Variants in KDR observed in about 807,000 individuals in gnomAD.
The protein encoded by KDR is vascular endothelial growth factor receptor 2.
Under a neutral mutation model 160.9 loss-of-function variants are expected in KDR, and 43 were observed. That is an observed-to-expected ratio of 0.27 (90% CI 0.21 to 0.34). The LOEUF is 0.34. Among genes scored for constraint, KDR ranks in the 10% least tolerant of loss-of-function variants. The pLI is 1.00. For synonymous variants in KDR, 617 were observed against 600.1 expected (o/e 1.03, Z -0.41); for missense variants, 1,469 against 1,666.4 (o/e 0.88, Z 2.06).
At position 55,079,955 on chromosome 4, in the gene KDR, A is replaced by G. The variant is rs1473561441; in HGVS notation, c.4057T>C (p.Ser1353Pro). ...GATGCTTCCTTTTAAACAGGAGGAG[A>G]GCTCAGTGTGGTCCCCGAGTCAGGC... ...LQPDSGTTLS[S>P]PPV The change falls in exon 30 of 30, where the codon TCT becomes CCT. Residue 1353 changes from serine to proline, a missense_variant. Coordinates refer to ENST00000263923, the MANE Select transcript of KDR (RefSeq NM_002253.4). 1.2e-6 allele frequency: 2 copies of G among 1,613,830 alleles called. No individual in the cohort carries two copies. Among genetic ancestry groups the G allele is most frequent in the Non-Finnish European group, 1.7e-6 (2 of 1,179,926 alleles).
intron 27 of KDR, among the ~76,000 whole-genome samples, chr4:55,085,301 C>A (rs1719834610): frequency 6.6e-6 from 1 of 152,176 alleles, no homozygotes. Context: ...TCAGCCTTTT[C>A]TCTAAATAAA....
chr4:55,085,103 G>A (rs919146375), intron 27 of KDR, among the ~76,000 whole-genome samples: 1 of 152,168 alleles, frequency 6.6e-6, no homozygotes, highest in Non-Finnish European at 1.5e-5. Context: ...GATGTGTGAG[G>A]TGAAACTCCC....
intron 27 of KDR, among the ~76,000 whole-genome samples, chr4:55,085,737 T>C (rs1719847081): frequency 6.6e-6 from 1 of 152,234 alleles, no homozygotes; most frequent in Non-Finnish European, 1.5e-5. Context: ...GAAACTGGGC[T>C]GGAAAAACCA....
chr4:55,089,901 G>T (rs1044761522), intron 23 of KDR, 55 bp downstream of exon 23: 2 of 1,608,980 alleles, frequency 1.2e-6, no homozygotes, highest in Non-Finnish European at 1.7e-6. Context: ...AGCTCTCTAC[G>T]AGGAGTTTTA....
Position 55,098,265 on chromosome 4 carries a change from C to T in KDR, c.2381G>A (p.Gly794Glu). 1 of 1,613,812 alleles carries T rather than the reference C, an allele frequency of 6.2e-7. No individual in the cohort carries two copies. The highest frequency in any genetic ancestry group is 8.5e-7 in the Non-Finnish European group (1 of 1,179,834). Reference protein sequence around the residue: ...IILRTVKRANGGELKTGYLSI... With the variant: ...IILRTVKRANEGELKTGYLSI... ...CAAGTAGCCTGTCTTCAGTTCCCCT[C>T]CATTGGCCTGGAAAGCATCAATCCT... Residue 794 changes from glycine (G) to glutamate (E), a missense_variant, in exon 17 of 30, where the codon GGA (glycine) becomes GAA (glutamate). Physicochemically the swap from Gly to Glu is moderately conservative, Grantham distance 98 (BLOSUM62 -2). This residue lies in a region of KDR where 118 missense variants were observed against 110.8 expected (regional missense o/e 1.06). Coordinates refer to ENST00000263923, the MANE Select transcript of KDR (RefSeq NM_002253.4).
rs1578134680 is a variant in KDR at position 55,104,806 on chromosome 4, A to G, written c.1824T>C (p.Thr608=). ...LPTPVCKNLD[T]LWKLNATMFS... The stretch of plus-strand genomic sequence containing the variant: ...ACATGGTGGCATTCAATTTCCAAAG[A>G]GTATCCAAGTTCTTGCAAACAGGTG... Residue 608 remains threonine (T), a synonymous_variant, in exon 13 of 30, where the codon ACT becomes ACC. Coordinates refer to ENST00000263923, the MANE Select transcript of KDR (RefSeq NM_002253.4). The G allele has an allele frequency of 1.2e-6, 2 of 1,613,972 alleles. No homozygotes were observed. Among genetic ancestry groups the G allele is most frequent in the Non-Finnish European group, 1.7e-6 (2 of 1,179,898 alleles).
intron 12 of KDR, among the ~76,000 whole-genome samples, 153 bp downstream of exon 12, chr4:55,105,679 G>T (rs2305945): frequency 0.35 from 53,233 of 152,032 alleles, 9,435 homozygotes; most frequent in Admixed American, 0.47. Context: ...CTGAGAAGTT[G>T]TAATTTATGA....
At chr4:55,096,692 T>C in intron 18 of KDR, 1 of 350,318 alleles carries the variant, frequency 2.9e-6, no homozygotes, top group Non-Finnish European at 5.4e-6. Flanking sequence ...GAGGGTCTGA[T>C]CATTTCAGCA....
intron 17 of KDR, 81 bp downstream of exon 17, chr4:55,098,056 C>A: frequency 6.5e-7 from 1 of 1,531,214 alleles, no homozygotes; most frequent in Non-Finnish European, 9.0e-7. Flanking sequence ...CATCTGAATA[C>A]ACCACATTTG....
rs756139175 is a variant in KDR, at chr4:55,114,150, G to A, written c.774C>T (p.Phe258=). 1 of 1,613,948 alleles carries A rather than the reference G, an allele frequency of 6.2e-7. No individual in the cohort carries two copies. Among genetic ancestry groups the A allele is most frequent in the Non-Finnish European group, 8.5e-7 (1 of 1,179,876 alleles). Residue 258 remains phenylalanine, a synonymous_variant, in exon 6 of 30, where the codon TTC becomes TTT. Coordinates refer to ENST00000263923, the MANE Select transcript of KDR (RefSeq NM_002253.4). ...ARTELNVGID[F]NWEYPSSKHQ... is the part of the protein sequence containing the mutation. ...CCTTCGAAGAAGGGTATTCCCAGTT[G>A]AAGTCAATCCCCACATTTAGTTCAG...
chr4:55,084,448 T>C (rs754269511), intron 27 of KDR, among the ~76,000 whole-genome samples: 2 of 152,204 alleles, frequency 1.3e-5, no homozygotes, highest in Non-Finnish European at 2.9e-5. Flanking sequence ...ATAATTCAGC[T>C]GCCTTAGAAA....
chr4:55,085,877 T>G (rs2110008036), intron 27 of KDR, among the ~76,000 whole-genome samples: 1 of 152,286 alleles, frequency 6.6e-6, no homozygotes, highest in East Asian at 1.9e-4. Flanking sequence ...GGTGCTTCCA[T>G]TACACAAACA....
intron 19 of KDR, among the ~76,000 whole-genome samples, chr4:55,095,891 T>C (rs545740589): frequency 6.6e-6 from 1 of 152,238 alleles, no homozygotes; most frequent in Non-Finnish European, 1.5e-5. Context: ...AACCCACCCA[T>C]CTACTTGCTT....
rs544842346 is a variant in KDR, at chr4:55,094,886, A to G, written c.2887T>C (p.Leu963=). The G allele has an allele frequency of 4.7e-5, 76 of 1,613,964 alleles. No individual in the cohort carries two copies. Among genetic ancestry groups the G allele is most frequent in the Admixed American group, 3.8e-4 (23 of 60,016 alleles). The change falls in exon 21 of 30, where the codon TTG becomes CTG. Residue 963 remains leucine (L), a synonymous_variant. Coordinates refer to ENST00000263923, the MANE Select transcript of KDR (RefSeq NM_002253.4). ...CTCTGGCTACTGGTGATGCTGTCCA[A>G]GCGCCGTTTCAGATCCACAGGGATT... ...GAIPVDLKRR[L]DSITSSQSSA...
At chr4:55,107,227 G>A (rs985955778) in intron 10 of KDR, among the ~76,000 whole-genome samples, 1 of 152,148 alleles carries the variant, frequency 6.6e-6, no homozygotes, top group African/African-American at 2.4e-5. Flanking sequence ...AACAGGAAGT[G>A]GACTGCTTAG....
chr4:55,095,997 C>T (rs1421243573), intron 19 of KDR, among the ~76,000 whole-genome samples: 2 of 152,134 alleles, frequency 1.3e-5, no homozygotes, highest in Admixed American at 1.3e-4. Context: ...ACATCTGTTA[C>T]ACAAGTAACA....
intron 21 of KDR, among the ~76,000 whole-genome samples, chr4:55,093,793 C>G (rs1240562180): frequency 6.6e-6 from 1 of 152,328 alleles, no homozygotes; most frequent in East Asian, 1.9e-4. Flanking sequence ...ATCTCTACAT[C>G]CACAACGCTA....
Position 55,098,687 on chromosome 4 carries a change from A to AT in KDR, c.2373+9dup. The AT allele has an allele frequency of 6.2e-7, 1 of 1,601,736 alleles. No homozygotes were observed. The highest frequency in any genetic ancestry group is 8.6e-7 in the Non-Finnish European group (1 of 1,169,010). ...AATGTGCATGGGCAGAAGGGAAATT[A>AT]TTTTTTTACCCGCTTAACGGTCCGT... On this transcript the variant is annotated intron_variant, in intron 16 of 29. Transcript: ENST00000263923.
chr4:55,118,937 G>GA, intron 2 of KDR, 137 bp from the exon 3 acceptor site: 2 of 746,982 alleles, frequency 2.7e-6, no homozygotes, highest in Non-Finnish European at 4.6e-6. Context: ...GGCCAGGCAT[G>GA]GTGGCTCATG....
Sources: gnomAD v4.1 joint callset for allele counts (sites outside exome capture counted in the v4.1 genomes callset) on GRCh38, gnomAD v4.1.1 for gene constraint, gnomAD v4.1.1 regional missense constraint, MANE v1.5 for transcripts, NCBI Gene and HGNC (gene_info 2026-07-23, HGNC 2026-07-21) for gene names.